The following CLTRN variants were observed in gnomAD, a reference collection of about 807,000 sequenced individuals.
CLTRN encodes the protein collectrin.
A neutral mutation model predicts 14.5 loss-of-function variants in CLTRN; 12 were observed. That is an observed-to-expected ratio of 0.83 (90% CI 0.53 to 1.34). The LOEUF (loss-of-function observed/expected upper bound fraction) is 1.34. Ranked by LOEUF, CLTRN falls within the 40% of genes most tolerant of loss-of-function variation. The pLI is 0.00. For synonymous variants in CLTRN, 58 were observed against 56.5 expected, an observed-to-expected ratio of 1.03 and a Z score of -0.12; for missense variants, 154 against 165.1, an observed-to-expected ratio of 0.93 and a Z score of 0.37.
In CLTRN at chrX:15,652,098, C is replaced by T. The variant is rs969425294; in HGVS notation, c.203+6918G>A. Among the ~76,000 whole-genome samples the T allele has an allele frequency of 4.5e-5, 5 of 111,858 alleles. No individual in the cohort carries two copies. In the Admixed American group the frequency reaches 4.7e-4, roughly 11 times the overall value. On this transcript the variant is annotated intron_variant, in intron 3 of 5. Coordinates refer to ENST00000380342, the MANE Select transcript of CLTRN (RefSeq NM_020665.6). ...TTCTGTAATTTATGTATTAAGGAAC[C>T]AAAGGATACAAATTTCTTCCAGTTA...
chrX:15,635,306 CA>C (rs1225617736), intron 5 of CLTRN, among the ~76,000 whole-genome samples: 1 of 111,456 alleles, frequency 9.0e-6, no homozygotes, highest in Non-Finnish European at 1.9e-5. Context: ...GCAAATGCTA[CA>C]AATCAGGGTA....
At chrX:15,635,330 C>G (rs925088015) in intron 5 of CLTRN, among the ~76,000 whole-genome samples, 6 of 111,727 alleles carry the variant, frequency 5.4e-5, no homozygotes, top group African/African-American at 1.6e-4. Flanking sequence ...TTTTAGAGAG[C>G]TGGTTAACCA....
intron 2 of CLTRN, 76 bp from the exon 3 acceptor site, chrX:15,659,177 C>CCT (rs966706013): frequency 2.6e-4 from 106 of 408,933 alleles, no homozygotes; most frequent in South Asian, 9.4e-4. Context: ...AGTGGCTCTC[C>CCT]CTCTCTCTCT....
intron 4 of CLTRN, among the ~76,000 whole-genome samples, chrX:15,640,209 A>G (rs1928910046): frequency 8.9e-6 from 1 of 112,086 alleles, no homozygotes; most frequent in African/African-American, 3.2e-5. Flanking sequence ...TGCCATGGCA[A>G]CACCTGGGAG....
At chrX:15,662,227 A>G (rs1434515552) in intron 2 of CLTRN, among the ~76,000 whole-genome samples, 1 of 107,934 alleles carries the variant, frequency 9.3e-6, no homozygotes, top group Non-Finnish European at 1.9e-5. Context: ...CCTCACTCTC[A>G]CTAAATGGTT....
chrX:15,643,993 T>C (rs1043012820), intron 4 of CLTRN, among the ~76,000 whole-genome samples: 1 of 112,102 alleles, frequency 8.9e-6, no homozygotes, highest in Non-Finnish European at 1.9e-5. Context: ...ACATGTGGTA[T>C]TTGAAGTTTT....
At chrX:15,656,697 C>T (rs1393054230) in intron 3 of CLTRN, among the ~76,000 whole-genome samples, 1 of 111,338 alleles carries the variant, frequency 9.0e-6, no homozygotes, top group Non-Finnish European at 1.9e-5. Flanking sequence ...TTTCCCATAG[C>T]TCTTCATGTA....
chrX:15,658,729 TATATAC>T (rs1176336825), intron 3 of CLTRN, among the ~76,000 whole-genome samples: 1,741 of 104,711 alleles, frequency 0.017, 39 homozygotes, highest in African/African-American at 0.06. Flanking sequence ...TATATATATA[TATATAC>T]ACACACACAC....
At chrX:15,648,696 A>T (rs1417648895) in intron 3 of CLTRN, among the ~76,000 whole-genome samples, 1 of 109,951 alleles carries the variant, frequency 9.1e-6, no homozygotes, top group East Asian at 2.8e-4. Context: ...GTGTAATCCC[A>T]GCTACTCAGG....
chrX:15,632,873 G>A, intron 5 of CLTRN, among the ~76,000 whole-genome samples: 1 of 62,732 alleles, frequency 1.6e-5, no homozygotes, highest in Admixed American at 2.7e-4. Context: ...GACAGAGCAA[G>A]ACTCTGTCTC....
upstream of CLTRN, among the ~76,000 whole-genome samples, chrX:15,665,341 G>T (rs1224813822): frequency 3.6e-5 from 4 of 111,950 alleles, no homozygotes; most frequent in Non-Finnish European, 7.5e-5. Flanking sequence ...TAGAGGGTGG[G>T]AGGAGAGAGA....
intron 5 of CLTRN, among the ~76,000 whole-genome samples, chrX:15,635,897 A>G (rs1466472262): frequency 8.9e-6 from 1 of 112,353 alleles, no homozygotes; most frequent in Non-Finnish European, 1.9e-5. Context: ...GGATGTCAAT[A>G]GAAAATTTTC....
intron 5 of CLTRN, among the ~76,000 whole-genome samples, chrX:15,638,486 C>T (rs1928867136): frequency 8.9e-6 from 1 of 112,046 alleles, no homozygotes; most frequent in African/African-American, 3.2e-5. Context: ...CTTACTTAGC[C>T]AAACACATCC....
intron 4 of CLTRN, among the ~76,000 whole-genome samples, chrX:15,643,194 T>C (rs1229258993): frequency 3.6e-5 from 4 of 112,459 alleles, no homozygotes; most frequent in Non-Finnish European, 7.5e-5. Flanking sequence ...ATGCAAATAT[T>C]AGGTGGAACT....
chrX:15,645,503 C>T (rs1002597366), intron 3 of CLTRN, among the ~76,000 whole-genome samples: 1 of 111,897 alleles, frequency 8.9e-6, no homozygotes, highest in Non-Finnish European at 1.9e-5. Flanking sequence ...TCTCTTCCAC[C>T]CCAGCATCAG....
chrX:15,631,727 T>C (rs766793979), intron 5 of CLTRN, among the ~76,000 whole-genome samples: 2 of 112,377 alleles, frequency 1.8e-5, no homozygotes, highest in Non-Finnish European at 1.9e-5. Flanking sequence ...ATATTGTTCT[T>C]TTACAACCAT....
chrX:15,654,247 A>G (rs934527894), intron 3 of CLTRN, among the ~76,000 whole-genome samples: 1 of 112,896 alleles, frequency 8.9e-6, no homozygotes, highest in Non-Finnish European at 1.9e-5. Context: ...AATTAGGCAG[A>G]GGCAGAAATC....
chrX:15,635,392 T>A (rs1424350862), intron 5 of CLTRN, among the ~76,000 whole-genome samples: 1 of 112,038 alleles, frequency 8.9e-6, no homozygotes, highest in Admixed American at 9.5e-5. Context: ...TTTGCATTTT[T>A]AAAAAGTGTT....
intron 2 of CLTRN, 109 bp from the exon 3 acceptor site, chrX:15,659,210 A>G (rs1929446206): frequency 3.2e-5 from 10 of 309,199 alleles, no homozygotes; most frequent in South Asian, 4.8e-5. Context: ...ACACACACAC[A>G]CACGCACACA....
Sources: allele counts gnomAD v4.1 joint callset (sites outside exome capture counted in the v4.1 genomes callset), GRCh38; gene constraint gnomAD v4.1.1; transcripts MANE v1.5; gene names NCBI Gene and HGNC (gene_info 2026-07-23, HGNC 2026-07-21).